The following WDR41 variants were observed in gnomAD, a reference collection of about 807,000 sequenced individuals.
WDR41 encodes WD repeat-containing protein 41.
A neutral mutation model predicts 69.3 loss-of-function variants in WDR41; 63 were observed. That is an observed-to-expected ratio of 0.91 (90% CI 0.74 to 1.12). WDR41 has a LOEUF of 1.12. Among genes scored for constraint, WDR41 ranks in the 50% most tolerant of loss-of-function variants. The pLI, the probability that WDR41 is intolerant of heterozygous loss-of-function variation, is 0.00. For synonymous variants in WDR41, 185 were observed against 192.1 expected (o/e 0.96, Z 0.31); for missense variants, 543 against 534.5 (o/e 1.02, Z -0.16).
At chr5:77,492,078 C>A in intron 1 of WDR41, 92 bp downstream of exon 1, 3 of 1,479,924 alleles carry the variant, frequency 2.0e-6, no homozygotes, top group Non-Finnish European at 2.8e-6. Flanking sequence ...CCGCCCGGGT[C>A]CCCGCGGTCG....
intron 5 of WDR41, among the ~76,000 whole-genome samples, chr5:77,455,325 G>C (rs1196172907): frequency 1.3e-5 from 2 of 152,068 alleles, no homozygotes; most frequent in South Asian, 2.1e-4. Flanking sequence ...ATTTTTAATT[G>C]GAGTATTTGC....
At chr5:77,575,361 T>C (rs961546031) in intron 1 of WDR41, among the ~76,000 whole-genome samples, 1 of 152,182 alleles carries the variant, frequency 6.6e-6, no homozygotes. Flanking sequence ...GTTAAGATAA[T>C]ATGGACATTT....
Position 77,474,812 on chromosome 5 carries a change from G to A in WDR41, c.168-10003C>T, listed in dbSNP as rs952815831. 1.2e-4 allele frequency among the ~76,000 whole-genome samples: 18 copies of A among 152,162 alleles called. 1 individual carries two copies. Among genetic ancestry groups the A allele is most frequent in the African/African-American group, 4.3e-4 (18 of 41,428 alleles). On this transcript the variant is annotated intron_variant, in intron 2 of 12. Transcript: ENST00000296679. ...CATCAAGATTACAGTAGGAGGAGGA[G>A]CCAAGATGGCCCAATAGGAACAGCT...
At chr5:77,506,227 G>T (rs1245995758) in intron 1 of WDR41, among the ~76,000 whole-genome samples, 1 of 152,142 alleles carries the variant, frequency 6.6e-6, no homozygotes, top group Non-Finnish European at 1.5e-5. Flanking sequence ...AGTGGGCAAA[G>T]GATATGAACA....
chr5:77,448,849 C>A (rs1281254957), intron 8 of WDR41, among the ~76,000 whole-genome samples: 1 of 149,606 alleles, frequency 6.7e-6, no homozygotes, highest in Non-Finnish European at 1.5e-5. Context: ...GCCTGGGCAA[C>A]ACAGGGAGAC....
At chr5:77,536,344 AAG>A (rs1238835117) in intron 1 of WDR41, among the ~76,000 whole-genome samples, 1 of 152,110 alleles carries the variant, frequency 6.6e-6, no homozygotes, top group Non-Finnish European at 1.5e-5. Flanking sequence ...AGTGCAATAA[AAG>A]AGATAAAAAC....
intron 1 of WDR41, among the ~76,000 whole-genome samples, chr5:77,510,303 A>G (rs1802178968): frequency 6.6e-6 from 1 of 152,182 alleles, no homozygotes; most frequent in African/African-American, 2.4e-5. Flanking sequence ...TCACAAGAAC[A>G]GCATGGGAAA....
chr5:77,523,147 C>G (rs1320083724), intron 1 of WDR41, among the ~76,000 whole-genome samples: 1 of 151,976 alleles, frequency 6.6e-6, no homozygotes, highest in Non-Finnish European at 1.5e-5. Context: ...AACCCCATCT[C>G]TACTAAAAAT....
At chr5:77,595,003 T>G (rs1027021312) in intron 1 of WDR41, among the ~76,000 whole-genome samples, 4 of 152,144 alleles carry the variant, frequency 2.6e-5, no homozygotes, top group Non-Finnish European at 4.4e-5. Flanking sequence ...AAACGAGGGT[T>G]TATCCCCAAA....
At chr5:77,532,497 A>C (rs1802542257) in intron 1 of WDR41, among the ~76,000 whole-genome samples, 1 of 152,128 alleles carries the variant, frequency 6.6e-6, no homozygotes, top group African/African-American at 2.4e-5. Context: ...AGTCTTGTAA[A>C]AGAATGTCCA....
chr5:77,440,836 G>T lies in WDR41; in HGVS notation c.859C>A (p.His287Asn). The T allele has an allele frequency of 1.9e-6, 3 of 1,614,126 alleles. No homozygotes were observed. Among genetic ancestry groups the T allele is most frequent in the Middle Eastern group, 1.6e-4 (1 of 6,062 alleles). ...LCQKSNDISI[H>N]HFTCDEENVF... The stretch of plus-strand genomic sequence containing the variant: ...ACCTCTTCATCACATGTGAAATGAT[G>T]AATAGAAATGTCATTTGATTTTTGA... The change falls in exon 9 of 13, where the codon CAT (histidine) becomes AAT (asparagine). Residue 287 changes from histidine (H) to asparagine (N), a missense_variant. His to Asn is a moderately conservative substitution (Grantham distance 68, BLOSUM62 1). Transcript: ENST00000296679.
rs779193675 is a variant in WDR41, at chr5:77,436,316, G to C, written c.1172C>G (p.Thr391Ser). Reference sequence around the variant, plus strand: ...TCCAATAAGCTCCAGTGAACATGAAGTAGCATTTTCTTGCTGCTTTTTAAC... The same window carrying C: ...TCCAATAAGCTCCAGTGAACATGAACTAGCATTTTCTTGCTGCTTTTTAAC... The part of the protein sequence containing the change: ...QPVKKQQENA[T>S]SCSLELIGDL... Residue 391 changes from threonine to serine, a missense_variant, in exon 12 of 13, where the codon ACT (threonine) becomes AGT (serine). By Grantham distance (58) the Thr-to-Ser change is moderately conservative. Transcript: ENST00000296679. 4 of 1,614,090 alleles carry C rather than the reference G, an allele frequency of 2.5e-6. No homozygotes were observed. Among genetic ancestry groups the C allele is most frequent in the Non-Finnish European group, 3.4e-6 (4 of 1,179,998 alleles).
At chr5:77,516,618 G>A (rs1477409794) in intron 1 of WDR41, among the ~76,000 whole-genome samples, 2 of 152,134 alleles carry the variant, frequency 1.3e-5, no homozygotes, top group Non-Finnish European at 2.9e-5. Flanking sequence ...GCTTTACTCT[G>A]TGTGGCCTCT....
chr5:77,508,166 C>T (rs1581778572), intron 1 of WDR41, among the ~76,000 whole-genome samples: 1 of 151,624 alleles, frequency 6.6e-6, no homozygotes, highest in African/African-American at 2.4e-5. Context: ...CTAACCCAGA[C>T]TGGAGTGTGT....
chr5:77,590,639 C>G (rs1744119571), intron 1 of WDR41, among the ~76,000 whole-genome samples: 3 of 152,156 alleles, frequency 2.0e-5, no homozygotes, highest in Non-Finnish European at 4.4e-5. Context: ...GCAAAGGAGT[C>G]TTGCTCAGGA....
chr5:77,472,606 C>G (rs1209312639), intron 2 of WDR41, among the ~76,000 whole-genome samples: 6 of 152,128 alleles, frequency 3.9e-5, no homozygotes, highest in African/African-American at 1.4e-4. Context: ...GTGCAAAAAT[C>G]ACAAGCATTC....
intron 11 of WDR41, among the ~76,000 whole-genome samples, chr5:77,436,826 G>C (rs1026003584): frequency 3.3e-5 from 5 of 152,186 alleles, no homozygotes; most frequent in African/African-American, 1.2e-4. Context: ...ACCAGCATCT[G>C]ATTTCTTGTG....
rs1554032662 is a variant in WDR41, at chr5:77,489,581, G to GGA, written c.52-10_52-9insTC. On this transcript the variant is annotated splice_polypyrimidine_tract_variant and intron_variant, in intron 1 of 12. Transcript: ENST00000296679. ...GTCTGTAAAGGAGATTTCTTGTATT[G>GGA]AAAAAAAAAAAAAAGCAAAAAACAA... is the stretch of plus-strand genomic sequence containing the variant. 137,175 of 977,512 alleles carry GGA rather than the reference G, an allele frequency of 0.14. 4,824 individuals are homozygous for GGA. Among genetic ancestry groups the GGA allele is most frequent in the African/African-American group, 0.43 (19,505 of 45,074 alleles). The allele number at this position is 977,512 out of a possible 1,614,324, so 60.6% of individuals were successfully genotyped here.
intron 1 of WDR41, among the ~76,000 whole-genome samples, chr5:77,531,947 G>T (rs956885087): frequency 6.6e-6 from 1 of 151,936 alleles, no homozygotes; most frequent in Non-Finnish European, 1.5e-5. Context: ...CAGGGACTAG[G>T]GGGAGGGAAG....
Sources: gnomAD v4.1 joint callset for allele counts (sites outside exome capture counted in the v4.1 genomes callset) on GRCh38, gnomAD v4.1.1 for gene constraint, MANE v1.5 for transcripts, NCBI Gene and HGNC (gene_info 2026-07-23, HGNC 2026-07-21) for gene names.